PTPRG: variants seen among roughly 807,000 people sequenced by gnomAD.
PTPRG encodes protein tyrosine phosphatase receptor type G, also known as receptor-type tyrosine-protein phosphatase gamma.
PTPRG carries 102 observed loss-of-function variants against 165.3 expected under a neutral mutation model. That is an observed-to-expected ratio of 0.62 (90% CI 0.53 to 0.73). The LOEUF is 0.73. Ranked by LOEUF, PTPRG falls within the 30% of genes least tolerant of loss-of-function variation. The probability of loss-of-function intolerance (pLI) is 0.00; values close to 1 mark genes in which losing one functional copy is unlikely to be tolerated. For synonymous variants in PTPRG, 675 were observed against 669.5 expected, an observed-to-expected ratio of 1.01 and a Z score of -0.13; for missense variants, 1,866 against 1,861.4, an observed-to-expected ratio of 1.00 and a Z score of -0.05.
intron 5 of PTPRG, among the ~76,000 whole-genome samples, chr3:62,129,059 C>A (rs1379869391): frequency 6.6e-6 from 1 of 152,118 alleles, no homozygotes; most frequent in East Asian, 1.9e-4. Flanking sequence ...ATCTTCTCAA[C>A]CCCAGCCATA....
At chr3:62,154,159 C>T (rs556659422) in intron 6 of PTPRG, among the ~76,000 whole-genome samples, 81 of 152,190 alleles carry the variant, frequency 5.3e-4, no homozygotes, top group Middle Eastern at 3.4e-3. Context: ...ATTTGAGTTG[C>T]TGGGGTCTTG....
chr3:62,178,855 T>C (rs536816508), intron 8 of PTPRG, among the ~76,000 whole-genome samples: 1 of 152,350 alleles, frequency 6.6e-6, no homozygotes, highest in Non-Finnish European at 1.5e-5. Flanking sequence ...TTGGGTTTAC[T>C]TGTGTGGGCA....
chr3:62,238,602 C>CT (rs1290780973), intron 14 of PTPRG, among the ~76,000 whole-genome samples: 1 of 152,102 alleles, frequency 6.6e-6, no homozygotes, highest in Non-Finnish European at 1.5e-5. Flanking sequence ...ACCAGAATCC[C>CT]TAGAGGGAGT....
Position 61,621,051 on chromosome 3 carries a change from A to ATATATG in PTPRG, c.85+58680_85+58681insATATGT. On this transcript the variant is annotated intron_variant, in intron 1 of 29. Transcript: ENST00000474889. Reference sequence around the variant, plus strand: ...TGTGTGTGTATATATATATATATATATGTGTGTGTGTGTGTGTGTGTGTGT... The same window carrying ATATATG: ...TGTGTGTGTATATATATATATATATATATATGTGTGTGTGTGTGTGTGTGTGTGTGT... 9.9e-4 allele frequency among the ~76,000 whole-genome samples: 117 copies of ATATATG among 117,992 alleles called. 3 individuals are homozygous for ATATATG. Among genetic ancestry groups the ATATATG allele is most frequent in the African/African-American group, 3.2e-3 (107 of 33,520 alleles). 77.4% of individuals were successfully genotyped at this position (117,992 alleles called of 152,430 possible). A position where few individuals can be genotyped will look rare whatever the true frequency, so the allele number is the denominator to read the frequency against.
At chr3:62,167,944 C>G in intron 7 of PTPRG, 27 bp from the exon 8 acceptor site, 2 of 1,583,576 alleles carry the variant, frequency 1.3e-6, no homozygotes, top group South Asian at 1.1e-5. Flanking sequence ...TTTTTTTTCC[C>G]CCTCCCCTCT....
At chr3:62,005,178 G>A (rs903149599) in intron 4 of PTPRG, among the ~76,000 whole-genome samples, 2 of 152,088 alleles carry the variant, frequency 1.3e-5, no homozygotes, top group Non-Finnish European at 2.9e-5. Context: ...AATTCTTCCT[G>A]CATTAGGACT....
At chr3:61,631,210 GA>G (rs11330668) in intron 1 of PTPRG, among the ~76,000 whole-genome samples, 68,160 of 150,064 alleles carry the variant, frequency 0.45, 15,552 homozygotes, top group African/African-American at 0.52. Flanking sequence ...TGTATGGTAA[GA>G]AAAAAAAAAT....
chr3:62,268,016 T>C (rs971158554), intron 19 of PTPRG, among the ~76,000 whole-genome samples, 197 bp downstream of exon 19: 2 of 152,084 alleles, frequency 1.3e-5, no homozygotes, highest in African/African-American at 4.8e-5. Context: ...ATGACAGAGA[T>C]GAACAGGGTA....
At chr3:62,060,729 G>C (rs1700781107) in intron 4 of PTPRG, among the ~76,000 whole-genome samples, 1 of 152,186 alleles carries the variant, frequency 6.6e-6, no homozygotes, top group African/African-American at 2.4e-5. Context: ...TGAAGGTATG[G>C]AGTAGAAATT....
intron 4 of PTPRG, among the ~76,000 whole-genome samples, chr3:62,075,075 C>T (rs755347920): frequency 1.2e-4 from 18 of 152,170 alleles, no homozygotes; most frequent in Non-Finnish European, 1.9e-4. Context: ...GTGCTACTGT[C>T]CTTTTTATGA....
intron 2 of PTPRG, among the ~76,000 whole-genome samples, chr3:61,840,677 GAGT>G (rs2036601506): frequency 6.6e-6 from 1 of 151,952 alleles, no homozygotes; most frequent in African/African-American, 2.4e-5. Flanking sequence ...TTTACCTTTG[GAGT>G]TTATATTGGG....
At chr3:61,693,743 C>T (rs775161233) in intron 1 of PTPRG, among the ~76,000 whole-genome samples, 12 of 152,042 alleles carry the variant, frequency 7.9e-5, no homozygotes, top group Non-Finnish European at 1.8e-4. Context: ...CAGCGGCTCA[C>T]GCCTATAATT....
chr3:61,868,399 A>T (rs766961394), intron 2 of PTPRG, among the ~76,000 whole-genome samples: 1 of 152,058 alleles, frequency 6.6e-6, no homozygotes, highest in Non-Finnish European at 1.5e-5. Flanking sequence ...TGGTTATCTC[A>T]TTGAGTTCAT....
At chr3:61,695,993 T>G (rs146159795) in intron 1 of PTPRG, among the ~76,000 whole-genome samples, 15 of 152,250 alleles carry the variant, frequency 9.9e-5, no homozygotes, top group African/African-American at 1.4e-4. Context: ...AAGGATGTGT[T>G]TTGACAACAT....
intron 3 of PTPRG, among the ~76,000 whole-genome samples, chr3:61,996,928 A>C (rs774815542): frequency 6.6e-6 from 1 of 152,204 alleles, no homozygotes; most frequent in Non-Finnish European, 1.5e-5. Context: ...AGTAGGAACT[A>C]GTTTCTGTGT....
At chr3:61,784,741 C>A (rs17065382) in intron 2 of PTPRG, among the ~76,000 whole-genome samples, 2,074 of 152,188 alleles carry the variant, frequency 0.014, 38 homozygotes, top group African/African-American at 0.046. Flanking sequence ...CCAAAATGAC[C>A]CATTTGCTCT....
At chr3:62,015,090 T>C (rs1167582346) in intron 4 of PTPRG, among the ~76,000 whole-genome samples, 1 of 152,370 alleles carries the variant, frequency 6.6e-6, no homozygotes, top group African/African-American at 2.4e-5. Context: ...GCCATGATAA[T>C]ACAGTATGTA....
intron 2 of PTPRG, chr3:61,769,642 A>G (rs1002664489): frequency 1.3e-5 from 2 of 152,172 alleles, no homozygotes; most frequent in Non-Finnish European, 2.9e-5. Flanking sequence ...GGAATTGAAG[A>G]TTTTAGTCAA....
chr3:61,873,883 T>G (rs2107451478), intron 2 of PTPRG, among the ~76,000 whole-genome samples: 1 of 152,328 alleles, frequency 6.6e-6, no homozygotes, highest in South Asian at 2.1e-4. Context: ...GGCAAGAGAC[T>G]CAACCTCCTC....
Sources: gnomAD v4.1 joint callset for allele counts (sites outside exome capture counted in the v4.1 genomes callset) on GRCh38, gnomAD v4.1.1 for gene constraint, MANE v1.5 for transcripts, NCBI Gene and HGNC (gene_info 2026-07-23, HGNC 2026-07-21) for gene names.